ANO10: variants seen among roughly 807,000 people sequenced by gnomAD.
The protein encoded by ANO10 is anoctamin-10.
In ANO10, 77 loss-of-function variants were observed where a neutral mutation model predicts 74.7. That is an observed-to-expected ratio of 1.03 (90% CI 0.86 to 1.25). The LOEUF is 1.25. ANO10 is among the 50% of genes most tolerant of loss of function. ANO10 has a pLI of 0.00. For synonymous variants in ANO10, 279 were observed against 284.9 expected (o/e 0.98, Z 0.21); for missense variants, 721 against 778.1 (o/e 0.93, Z 0.87).
At chr3:43,414,924 CCTAA>C (rs2092714990) in intron 12 of ANO10, among the ~76,000 whole-genome samples, 1 of 150,378 alleles carries the variant, frequency 6.6e-6, no homozygotes, top group Non-Finnish European at 1.5e-5. Flanking sequence ...ATGACCTGGG[CCTAA>C]CTACTTCCTC....
rs552073225 is a variant in ANO10, at chr3:43,683,467, C to G, written c.-12+8050G>C. Among the ~76,000 whole-genome samples the G allele has an allele frequency of 3.0e-4, 46 of 152,158 alleles. No homozygotes were observed. In the South Asian group the frequency reaches 7.3e-3, roughly 24 times the overall value. On this transcript the variant is annotated intron_variant, in intron 1 of 3. Coordinates refer to the ANO10 transcript ENST00000413397. ...ATGGAAGAACATTCCATGCTCATGG[C>G]TAGGAAGAATCAATATCATGAAAAT... is the stretch of plus-strand genomic sequence containing the variant.
chr3:43,371,466 CAA>C (rs2091610101), intron 12 of ANO10, among the ~76,000 whole-genome samples: 1 of 152,172 alleles, frequency 6.6e-6, no homozygotes, highest in African/African-American at 2.4e-5. Context: ...CTCCCCGACC[CAA>C]AGTCTGATTT....
At chr3:43,682,140 A>T (rs1340200964) in intron 1 of ANO10, among the ~76,000 whole-genome samples, 2 of 152,202 alleles carry the variant, frequency 1.3e-5, no homozygotes, top group Non-Finnish European at 2.9e-5. Flanking sequence ...TGAATCCAGG[A>T]GCTAGTTTTT....
At chr3:43,545,266 G>A (rs1034003339) in intron 11 of ANO10, among the ~76,000 whole-genome samples, 3 of 151,968 alleles carry the variant, frequency 2.0e-5, no homozygotes, top group African/African-American at 4.8e-5. Flanking sequence ...CTATTTTAAC[G>A]TTAATTTTAA....
intron 10 of ANO10, among the ~76,000 whole-genome samples, chr3:43,552,824 G>C (rs2079548878): frequency 6.7e-6 from 1 of 150,234 alleles, no homozygotes; most frequent in Non-Finnish European, 1.5e-5. Context: ...ATGGAGCTTT[G>C]CTCTTGTCAC....
chr3:43,580,270 C>T (rs2081202387), intron 5 of ANO10, 83 bp downstream of exon 5: 1 of 1,583,330 alleles, frequency 6.3e-7, no homozygotes, highest in Non-Finnish European at 8.6e-7. Flanking sequence ...AATATCTGCC[C>T]AAGGGAGCTG....
chr3:43,527,375 C>A (rs2078252504), intron 11 of ANO10, among the ~76,000 whole-genome samples: 1 of 152,018 alleles, frequency 6.6e-6, no homozygotes, highest in East Asian at 1.9e-4. Context: ...ATATGCTGCA[C>A]ACTAAACAGA....
intron 11 of ANO10, among the ~76,000 whole-genome samples, chr3:43,504,020 T>C (rs2077193397): frequency 6.6e-6 from 1 of 152,006 alleles, no homozygotes; most frequent in African/African-American, 2.4e-5. Context: ...TCCTAGCATT[T>C]TGGGAGGCTG....
At chr3:43,430,671 T>C (rs1283300873) in intron 12 of ANO10, among the ~76,000 whole-genome samples, 1 of 152,166 alleles carries the variant, frequency 6.6e-6, no homozygotes, top group African/African-American at 2.4e-5. Context: ...ATTTAAAATG[T>C]ATTTAATTAT....
In ANO10 at chr3:43,454,075, G is replaced by C. The variant is rs567288242; in HGVS notation, c.1798-21348C>G. On this transcript the variant is annotated intron_variant, in intron 11 of 12. Coordinates refer to ENST00000292246, the MANE Select transcript of ANO10 (RefSeq NM_018075.5). ...AATGTAGACAGGATAGCCAGGGGAA[G>C]GTGACTCTCAATAAAGACCTGAAGG... 1.5e-3 allele frequency among the ~76,000 whole-genome samples: 235 copies of C among 152,296 alleles called. 3 individuals are homozygous for C. Among genetic ancestry groups the C allele is most frequent in the Non-Finnish European group, 2.9e-3 (195 of 68,028 alleles).
intron 11 of ANO10, among the ~76,000 whole-genome samples, chr3:43,540,707 A>T (rs966269439): frequency 1.3e-5 from 2 of 152,216 alleles, no homozygotes; most frequent in Non-Finnish European, 2.9e-5. Context: ...CCCACTCAGC[A>T]GGCCAACAGA....
chr3:43,670,235 G>A (rs1015993579), intron 1 of ANO10, among the ~76,000 whole-genome samples: 2 of 151,968 alleles, frequency 1.3e-5, no homozygotes, highest in Non-Finnish European at 2.9e-5. Flanking sequence ...GGTGGCACAT[G>A]CCTGTAGTCC....
chr3:43,406,143 G>C (rs2092571597), intron 12 of ANO10, among the ~76,000 whole-genome samples: 1 of 152,060 alleles, frequency 6.6e-6, no homozygotes. Context: ...AAGCTCCCAG[G>C]GCAGTGGGAA....
At chr3:43,515,407 G>A (rs2077669653) in intron 11 of ANO10, among the ~76,000 whole-genome samples, 1 of 152,160 alleles carries the variant, frequency 6.6e-6, no homozygotes, top group Non-Finnish European at 1.5e-5. Context: ...CACATCATGG[G>A]CTCTCCTGGT....
chr3:43,624,395 T>C (rs1419854672), upstream of ANO10, among the ~76,000 whole-genome samples: 1 of 152,178 alleles, frequency 6.6e-6, no homozygotes, highest in South Asian at 2.1e-4. Context: ...TGCAAGGTGA[T>C]TGGATCATGG....
At chr3:43,404,311 A>G (rs2092536422) in intron 12 of ANO10, among the ~76,000 whole-genome samples, 1 of 152,182 alleles carries the variant, frequency 6.6e-6, no homozygotes, top group Admixed American at 6.5e-5. Context: ...AAGCCTCTGG[A>G]TAATAACCAG....
chr3:43,542,369 T>C (rs143993090), intron 11 of ANO10, among the ~76,000 whole-genome samples: 1 of 152,038 alleles, frequency 6.6e-6, no homozygotes, highest in East Asian at 1.9e-4. Flanking sequence ...ATGCCACAGA[T>C]AGAAGGTACG....
intron 2 of ANO10, among the ~76,000 whole-genome samples, chr3:43,601,084 C>T (rs552620188): frequency 6.6e-6 from 1 of 152,094 alleles, no homozygotes; most frequent in East Asian, 1.9e-4. Context: ...TTTCTATGTT[C>T]TATTTGGTTT....
intron 1 of ANO10, among the ~76,000 whole-genome samples, chr3:43,613,955 T>C (rs1461115906): frequency 1.3e-5 from 2 of 152,104 alleles, no homozygotes; most frequent in Admixed American, 1.3e-4. Context: ...GAGAGGGCAC[T>C]GTCTGGGAAG....
Sources: gnomAD v4.1 joint callset for allele counts (sites outside exome capture counted in the v4.1 genomes callset) on GRCh38, gnomAD v4.1.1 for gene constraint, MANE v1.5 for transcripts, NCBI Gene and HGNC (gene_info 2026-07-23, HGNC 2026-07-21) for gene names.